Variants in OR3A2 observed in about 807,000 individuals in gnomAD.
OR3A2 encodes the protein olfactory receptor family 3 subfamily A member 2.
For synonymous variants in OR3A2, 126 were observed against 159.3 expected, an observed-to-expected ratio of 0.79 and a Z score of 1.57; for missense variants, 318 against 392.8, an observed-to-expected ratio of 0.81 and a Z score of 1.61.
intron 3 of OR3A2, chr17:3,292,687 G>T: frequency 1.0e-6 from 1 of 969,158 alleles, no homozygotes; most frequent in Non-Finnish European, 1.5e-6. Flanking sequence ...CCGGCCCTCT[G>T]CCACGTTCCC....
downstream of OR3A2, among the ~76,000 whole-genome samples, chr17:3,276,357 G>A (rs1444975868): frequency 2.0e-5 from 3 of 152,096 alleles, no homozygotes; most frequent in Non-Finnish European, 2.9e-5. Flanking sequence ...GATGTGAAAC[G>A]GGCATATCAT....
intron 3 of OR3A2, among the ~76,000 whole-genome samples, chr17:3,299,496 C>G (rs754659188): frequency 1.1e-4 from 16 of 152,176 alleles, no homozygotes; most frequent in Non-Finnish European, 1.0e-4. Flanking sequence ...AGGGACGTCT[C>G]TTCCCACTGT....
intron 2 of OR3A2, among the ~76,000 whole-genome samples, chr17:3,371,557 C>T (rs1319391371): frequency 7.0e-6 from 1 of 142,616 alleles, no homozygotes; most frequent in Non-Finnish European, 1.5e-5. Context: ...GGGCGGCTGG[C>T]CGGGCGGGGG....
At position 3,348,149 on chromosome 17, in the gene OR3A2, G is replaced by T. The variant is rs230448; in HGVS notation, c.-178-12023C>A. 5.0e-3 allele frequency among the ~76,000 whole-genome samples: 762 copies of T among 151,770 alleles called. 2 individuals are homozygous for T. Among genetic ancestry groups the T allele is most frequent in the African/African-American group, 0.018 (725 of 41,352 alleles). ...CATTGTAGATTCTGGATATTAGCCC[G>T]TTGTCAGATGAGTAGGTTGTGAAAA... On this transcript the variant is annotated intron_variant, in intron 2 of 4. Transcript: ENST00000573491.
At chr17:3,280,143 C>T (rs2048768132) in intron 1 of OR3A2, among the ~76,000 whole-genome samples, 1 of 152,228 alleles carries the variant, frequency 6.6e-6, no homozygotes, top group Non-Finnish European at 1.5e-5. Flanking sequence ...CAGTTACATT[C>T]TGCATTGCAC....
chr17:3,323,226 T>C (rs1035933988), intron 3 of OR3A2, among the ~76,000 whole-genome samples: 1 of 152,182 alleles, frequency 6.6e-6, no homozygotes, highest in Non-Finnish European at 1.5e-5. Flanking sequence ...TTGGTAGATC[T>C]TCCTCCATCC....
exon 2 of OR3A2, chr17:3,278,677 C>G (rs938731112): frequency 1.5e-6 from 2 of 1,374,976 alleles, no homozygotes; most frequent in Admixed American, 2.0e-5. Flanking sequence ...ATTGCAGGAA[C>G]AGTGACAGTG....
upstream of OR3A2, among the ~76,000 whole-genome samples, chr17:3,288,574 C>T (rs922823719): frequency 2.0e-5 from 3 of 152,186 alleles, no homozygotes; most frequent in Non-Finnish European, 4.4e-5. Flanking sequence ...TGTTCAACCA[C>T]ACCCATAATC....
Position 3,348,114 on chromosome 17 carries a change from T to A in OR3A2, c.-178-11988A>T, listed in dbSNP as rs369244075. On this transcript the variant is annotated intron_variant, in intron 2 of 4. Coordinates refer to the OR3A2 transcript ENST00000573491. ...GTTGTTTGTTTTTTTCTTGTAAATT[T>A]GTTTGAGTTCATTGTAGATTCTGGA... Among the ~76,000 whole-genome samples, 11 of 152,294 alleles carry A rather than the reference T, an allele frequency of 7.2e-5. No individual in the cohort carries two copies. The East Asian group carries it at 9.6e-4, about 13-fold the overall frequency.
At chr17:3,331,558 A>G (rs1171963747) in intron 3 of OR3A2, among the ~76,000 whole-genome samples, 2 of 151,678 alleles carry the variant, frequency 1.3e-5, no homozygotes, top group African/African-American at 4.9e-5. Context: ...CTTGGTTTTC[A>G]GCTCCATCAG....
intron 3 of OR3A2, among the ~76,000 whole-genome samples, chr17:3,308,233 G>A (rs1481142507): frequency 1.3e-5 from 2 of 152,178 alleles, no homozygotes; most frequent in African/African-American, 4.8e-5. Flanking sequence ...GAGGCCTCCA[G>A]GGGAACAATG....
intron 3 of OR3A2, among the ~76,000 whole-genome samples, chr17:3,293,998 T>G (rs1405016950): frequency 6.6e-6 from 1 of 152,092 alleles, no homozygotes; most frequent in African/African-American, 2.4e-5. Flanking sequence ...AAAGAGCTAA[T>G]GCATGCTGGG....
intron 3 of OR3A2, among the ~76,000 whole-genome samples, chr17:3,299,294 G>C (rs1027330784): frequency 1.3e-5 from 2 of 152,154 alleles, no homozygotes; most frequent in Admixed American, 6.5e-5. Context: ...CACAAGAATG[G>C]AGACAAAAGG....
intron 2 of OR3A2, among the ~76,000 whole-genome samples, chr17:3,369,130 T>A (rs2150663194): frequency 6.6e-6 from 1 of 152,312 alleles, no homozygotes; most frequent in South Asian, 2.1e-4. Context: ...ATCTAGGAGC[T>A]TTTTGGATGA....
intron 3 of OR3A2, among the ~76,000 whole-genome samples, chr17:3,323,171 A>C (rs926087834): frequency 6.6e-6 from 1 of 152,080 alleles, no homozygotes; most frequent in Admixed American, 6.6e-5. Flanking sequence ...CTGTTTTATC[A>C]GAGACTAGAA....
chr17:3,309,338 G>A (rs1019343552), intron 3 of OR3A2, among the ~76,000 whole-genome samples: 1 of 152,180 alleles, frequency 6.6e-6, no homozygotes, highest in Non-Finnish European at 1.5e-5. Context: ...ATGTGTGTTG[G>A]ATGATGCGTA....
chr17:3,276,569 A>C (rs2048736581), downstream of OR3A2, among the ~76,000 whole-genome samples: 1 of 152,218 alleles, frequency 6.6e-6, no homozygotes, highest in Non-Finnish European at 1.5e-5. Flanking sequence ...GGAAGGAAGG[A>C]AGACAGGCAT....
chr17:3,359,843 A>C (rs961374269), intron 2 of OR3A2, among the ~76,000 whole-genome samples: 12 of 151,710 alleles, frequency 7.9e-5, no homozygotes, highest in East Asian at 1.9e-4. Context: ...GGGTTGGTTC[A>C]AAGTCTTTGC....
At chr17:3,321,865 C>G (rs537999161) in intron 3 of OR3A2, among the ~76,000 whole-genome samples, 22,786 of 151,764 alleles carry the variant, frequency 0.15, 2,271 homozygotes, top group African/African-American at 0.28. Flanking sequence ...TCTCTGCCAG[C>G]CTTTGGTATC....
Sources: allele counts gnomAD v4.1 joint callset (sites outside exome capture counted in the v4.1 genomes callset), GRCh38; gene constraint gnomAD v4.1.1; transcripts MANE v1.5; gene names NCBI Gene and HGNC (gene_info 2026-07-23, HGNC 2026-07-21).